Variants in TTLL9 observed in about 807,000 individuals in gnomAD.
TTLL9 encodes probable tubulin polyglutamylase TTLL9.
A neutral mutation model predicts 65.6 loss-of-function variants in TTLL9; 47 were observed. The ratio of observed to expected loss-of-function variants is 0.72; its 90% CI spans 0.57 to 0.91. The LOEUF is 0.91. Among genes scored for constraint, TTLL9 ranks in the 40% least tolerant of loss-of-function variants. TTLL9 has a pLI of 0.00. For missense variants in TTLL9, 537 were observed against 568.8 expected, an observed-to-expected ratio of 0.94 and a Z score of 0.57; for synonymous variants, 179 against 204.8, an observed-to-expected ratio of 0.87 and a Z score of 1.07.
chr20:31,903,916 A>G (rs1374452984), intron 4 of TTLL9, among the ~76,000 whole-genome samples: 1 of 152,242 alleles, frequency 6.6e-6, no homozygotes, highest in Non-Finnish European at 1.5e-5. Context: ...TTTCTGTTCC[A>G]GAATCCAATC....
At chr20:31,874,875 A>G (rs980800521) in intron 2 of TTLL9, among the ~76,000 whole-genome samples, 6 of 152,180 alleles carry the variant, frequency 3.9e-5, no homozygotes, top group Non-Finnish European at 2.9e-5. Context: ...TGCAGATCGA[A>G]GGGGGCCCAC....
At chr20:31,917,122 A>T (rs759026617) in intron 6 of TTLL9, among the ~76,000 whole-genome samples, 1 of 152,180 alleles carries the variant, frequency 6.6e-6, no homozygotes, top group Non-Finnish European at 1.5e-5. Context: ...TAGCCAAATT[A>T]TAGGGGCACA....
chr20:31,909,930 C>G lies in TTLL9; in HGVS notation c.504+8C>G, dbSNP rs1307727949. The G allele has an allele frequency of 1.4e-5, 23 of 1,611,650 alleles. No individual in the cohort carries two copies. The highest frequency in any genetic ancestry group is 2.0e-5 in the Non-Finnish European group (23 of 1,178,332). On this transcript the variant is annotated splice_region_variant and intron_variant, in intron 6 of 14. Transcript: ENST00000535842. Reference sequence around the variant, plus strand: ...ACCTGGATCATGAAGCCTGTGAGTGCCCAGTGCCAGGGGCTGGGTGGGAGG... The same window carrying G: ...ACCTGGATCATGAAGCCTGTGAGTGGCCAGTGCCAGGGGCTGGGTGGGAGG...
chr20:31,904,350 C>CTTTTTTT (rs71185374), intron 4 of TTLL9, among the ~76,000 whole-genome samples: 31 of 81,772 alleles, frequency 3.8e-4, no homozygotes, highest in Middle Eastern at 0.013. Flanking sequence ...TTTGATAATT[C>CTTTTTTT]TTTTTTTTTT....
At chr20:31,934,944 A>T in intron 12 of TTLL9, 56 bp downstream of exon 12, 1 of 1,526,844 alleles carries the variant, frequency 6.5e-7, no homozygotes, top group Non-Finnish European at 8.9e-7. Context: ...CGGCACCCAG[A>T]CTGCCCAGGT....
chr20:31,933,418 T>TAA lies in TTLL9; in HGVS notation c.749-371_749-370dup, dbSNP rs113180138. ...CTTGTTAGAACCACTCCTCTTGAAT[T>TAA]AAAAAAAAAAAATCATAATATACCA... On this transcript the variant is annotated intron_variant, in intron 10 of 14. Transcript: ENST00000535842. Among the ~76,000 whole-genome samples the TAA allele has an allele frequency of 4.1e-5, 6 of 144,806 alleles. No homozygotes were observed. In the South Asian group the frequency reaches 1.3e-3, roughly 32 times the overall value. 95.0% of individuals were successfully genotyped at this position (144,806 alleles called of 152,430 possible). A position where few individuals can be genotyped will look rare whatever the true frequency, so the allele number is the denominator to read the frequency against.
intron 4 of TTLL9, among the ~76,000 whole-genome samples, chr20:31,907,712 C>T (rs1386650676): frequency 6.6e-6 from 1 of 150,466 alleles, no homozygotes; most frequent in Non-Finnish European, 1.5e-5. Flanking sequence ...CAAAGTGATA[C>T]ACCGTCTCGA....
chr20:31,921,626 T>C (rs1271337258), intron 7 of TTLL9, among the ~76,000 whole-genome samples: 1 of 152,198 alleles, frequency 6.6e-6, no homozygotes, highest in Non-Finnish European at 1.5e-5. Context: ...ATATACACCA[T>C]GAAATACTAT....
chr20:31,913,194 T>C (rs1166858158), intron 6 of TTLL9, among the ~76,000 whole-genome samples: 3 of 152,146 alleles, frequency 2.0e-5, no homozygotes, highest in Non-Finnish European at 4.4e-5. Context: ...TAATCACATC[T>C]ACAAAGTACC....
At position 31,887,388 on chromosome 20, in the gene TTLL9, A is replaced by G. The variant is rs6061017; in HGVS notation, c.113+149A>G. The G allele has an allele frequency of 3.0e-4, 272 of 907,682 alleles. No homozygotes were observed. In the African/African-American group the frequency reaches 4.0e-3, roughly 13 times the overall value. 56.2% of individuals were successfully genotyped at this position (907,682 alleles called of 1,614,324 possible). A position where few individuals can be genotyped will look rare whatever the true frequency, so the allele number is the denominator to read the frequency against. ...AATGCTAAACCATTATTGAGCACTT[A>G]CCATGTGCCAGGCTCTGGGCCTGTC... On this transcript the variant is annotated intron_variant, in intron 3 of 14. Coordinates refer to ENST00000535842, the MANE Select transcript of TTLL9 (RefSeq NM_001008409.5).
chr20:31,890,843 T>G (rs956122163), intron 3 of TTLL9, among the ~76,000 whole-genome samples: 3 of 152,194 alleles, frequency 2.0e-5, no homozygotes, highest in African/African-American at 7.2e-5. Context: ...CTGCTCCACA[T>G]GCTGGCTGAG....
intron 6 of TTLL9, among the ~76,000 whole-genome samples, chr20:31,916,146 A>T (rs896493130): frequency 3.9e-5 from 6 of 152,250 alleles, no homozygotes; most frequent in Admixed American, 3.3e-4. Context: ...TCTCCCTGTG[A>T]CCTGGGCTTC....
Position 31,871,170 on chromosome 20 carries a change from C to T in TTLL9, c.44C>T (p.Ala15Val). The part of the protein sequence containing the change: ...REALLGPGTT[A>V]IRCPKKLQNQ... ...GCTCTGCTGGGACCAGGCACAACTG[C>T]CATTAGGTGCCCCAAGAAATTACAG... is the stretch of plus-strand genomic sequence containing the variant. The change falls in exon 2 of 15, where the codon GCC (alanine) becomes GTC (valine). Residue 15 changes from alanine to valine, a missense_variant. Ala to Val is a moderately conservative substitution (Grantham distance 64). Coordinates refer to ENST00000535842, the MANE Select transcript of TTLL9 (RefSeq NM_001008409.5). 3.1e-6 allele frequency: 5 copies of T among 1,614,108 alleles called. No individual in the cohort carries two copies. The highest frequency in any genetic ancestry group is 4.2e-6 in the Non-Finnish European group (5 of 1,180,024).
At position 31,943,181 on chromosome 20, in the gene TTLL9, C is replaced by G. The variant is rs1023002797; in HGVS notation, c.*160C>G. ...GCTGCAGCTTACTACCTGAATTGGG[C>G]CCCTTGGATACCTCCAGCCCATCCC... On this transcript the variant is annotated 3_prime_UTR_variant, in exon 15 of 15. Transcript: ENST00000535842. The G allele has an allele frequency of 1.5e-6, 1 of 683,944 alleles. No individual in the cohort carries two copies. Among genetic ancestry groups the G allele is most frequent in the Non-Finnish European group, 2.6e-6 (1 of 387,658 alleles). 42.4% of individuals were successfully genotyped at this position (683,944 alleles called of 1,614,324 possible).
At chr20:31,936,179 G>C (rs1459119150) in intron 12 of TTLL9, among the ~76,000 whole-genome samples, 1 of 152,210 alleles carries the variant, frequency 6.6e-6, no homozygotes, top group African/African-American at 2.4e-5. Flanking sequence ...CAAGACAAGA[G>C]GTGGCTAGCG....
At position 31,888,133 on chromosome 20, in the gene TTLL9, C is replaced by T. The variant is rs1022247912; in HGVS notation, c.113+894C>T. On this transcript the variant is annotated intron_variant, in intron 3 of 14. Coordinates refer to ENST00000535842, the MANE Select transcript of TTLL9 (RefSeq NM_001008409.5). ...TCCCGACCTCAGGTGATCTGCCTGC[C>T]TCGGCCTCCCAAAGTGTTGGGATTA... 1.1e-4 allele frequency among the ~76,000 whole-genome samples: 16 copies of T among 152,302 alleles called. 1 individual carries two copies. Among genetic ancestry groups the T allele is most frequent in the African/African-American group, 3.8e-4 (16 of 41,566 alleles).
At chr20:31,880,852 CTTTTTTTT>C (rs35047352) in intron 2 of TTLL9, among the ~76,000 whole-genome samples, 2 of 108,258 alleles carry the variant, frequency 1.8e-5, no homozygotes, top group Non-Finnish European at 3.5e-5. Flanking sequence ...TCTTTCTTTC[CTTTTTTTT>C]TTTTTTTTTT....
At position 31,932,643 on chromosome 20, in the gene TTLL9, C is replaced by T. The variant is rs369738295; in HGVS notation, c.749-1157C>T. Among the ~76,000 whole-genome samples the T allele has an allele frequency of 2.6e-5, 4 of 152,192 alleles. No homozygotes were observed. The South Asian group carries it at 8.3e-4, about 32-fold the overall frequency. ...TGGAGTCAGAGACCTAGAACCTCTA[C>T]CTCCCCATCTGAGAAATGCCCCAAG... On this transcript the variant is annotated intron_variant, in intron 10 of 14. Coordinates refer to ENST00000535842, the MANE Select transcript of TTLL9 (RefSeq NM_001008409.5).
chr20:31,942,094 CAGTGAATGGCTG>C (rs1373613854), intron 14 of TTLL9, among the ~76,000 whole-genome samples: 1 of 152,140 alleles, frequency 6.6e-6, no homozygotes, highest in African/African-American at 2.4e-5. Context: ...GCTCTCAGCT[CAGTGAATGGCTG>C]AGTGAGTGTC....
Sources: allele counts gnomAD v4.1 joint callset (sites outside exome capture counted in the v4.1 genomes callset), GRCh38; gene constraint gnomAD v4.1.1; transcripts MANE v1.5; gene names NCBI Gene and HGNC (gene_info 2026-07-23, HGNC 2026-07-21).